GRIP1: variants seen among roughly 807,000 people sequenced by gnomAD.
GRIP1 encodes the protein glutamate receptor-interacting protein 1.
GRIP1 carries 45 observed loss-of-function variants against 129.9 expected under a neutral mutation model. The observed-to-expected ratio is 0.35, with a 90% CI of 0.27 to 0.44. The LOEUF (loss-of-function observed/expected upper bound fraction) is 0.44. Among genes scored for constraint, GRIP1 ranks in the 20% least tolerant of loss-of-function variants. The pLI, the probability that GRIP1 is intolerant of heterozygous loss-of-function variation, is 1.00. For missense variants in GRIP1, 1,196 were observed against 1,396.8 expected, an observed-to-expected ratio of 0.86 and a Z score of 2.29; for synonymous variants, 530 against 520.8, an observed-to-expected ratio of 1.02 and a Z score of -0.24.
chr12:66,810,472 C>A (rs190418188), intron 1 of GRIP1, among the ~76,000 whole-genome samples: 1 of 152,244 alleles, frequency 6.6e-6, no homozygotes, highest in African/African-American at 2.4e-5. Flanking sequence ...GCAGCAGAAT[C>A]GCTTGAACCT....
chr12:66,862,057 T>C (rs1410266972), intron 1 of GRIP1, among the ~76,000 whole-genome samples: 7 of 152,082 alleles, frequency 4.6e-5, no homozygotes, highest in Non-Finnish European at 1.0e-4. Context: ...TGGATTTAAC[T>C]GGACACATTA....
chr12:67,014,363 A>G (rs2042753051), intron 1 of GRIP1, among the ~76,000 whole-genome samples: 2 of 152,136 alleles, frequency 1.3e-5, no homozygotes, highest in South Asian at 2.1e-4. Context: ...GGTGGGGGCT[A>G]AGGGGATGGT....
chr12:66,886,833 C>T (rs954360140), intron 1 of GRIP1, among the ~76,000 whole-genome samples: 1 of 152,182 alleles, frequency 6.6e-6, no homozygotes, highest in African/African-American at 2.4e-5. Flanking sequence ...GAAGTGATGG[C>T]AGATACTGAT....
chr12:66,704,043 C>G (rs1237186802), intron 1 of GRIP1, among the ~76,000 whole-genome samples: 2 of 151,938 alleles, frequency 1.3e-5, no homozygotes, highest in African/African-American at 4.8e-5. Context: ...AGACCTAAAG[C>G]AGATCCCAGA....
At chr12:66,470,701 G>A (rs1226888214) in intron 7 of GRIP1, among the ~76,000 whole-genome samples, 5 of 152,158 alleles carry the variant, frequency 3.3e-5, no homozygotes, top group Non-Finnish European at 7.3e-5. Flanking sequence ...CAGGGTCCCA[G>A]CAAGCAACAC....
intron 1 of GRIP1, among the ~76,000 whole-genome samples, chr12:66,959,293 T>C (rs1157077594): frequency 6.6e-6 from 1 of 152,150 alleles, no homozygotes; most frequent in Non-Finnish European, 1.5e-5. Context: ...TATAGTTTTG[T>C]TTGGTTTTTT....
chr12:66,526,636 A>G (rs1229606927), intron 5 of GRIP1, among the ~76,000 whole-genome samples: 1 of 152,022 alleles, frequency 6.6e-6, no homozygotes, highest in Non-Finnish European at 1.5e-5. Flanking sequence ...CTTCATGTCT[A>G]AAACACCAAA....
intron 1 of GRIP1, among the ~76,000 whole-genome samples, chr12:66,747,571 G>A (rs879374123): frequency 3.3e-5 from 5 of 152,122 alleles, no homozygotes; most frequent in Non-Finnish European, 7.3e-5. Context: ...CAGGCCAACA[G>A]GGAATGGAAA....
rs751562134 is a variant in GRIP1, at chr12:66,448,175, C to T, written c.1355-2667G>A. ...CCATCCACACACTCTCTCATTGGCT[C>T]CTCAAACTCAATGTTTTCAAAATTG... On this transcript the variant is annotated intron_variant, in intron 11 of 24. Transcript: ENST00000359742. Among the ~76,000 whole-genome samples the T allele has an allele frequency of 9.2e-5, 14 of 152,068 alleles. 1 individual carries two copies. The highest frequency in any genetic ancestry group is 4.4e-5 in the Non-Finnish European group (3 of 68,034).
At chr12:66,882,909 G>T (rs1291444868) in intron 1 of GRIP1, among the ~76,000 whole-genome samples, 3 of 152,114 alleles carry the variant, frequency 2.0e-5, no homozygotes, top group Admixed American at 6.6e-5. Flanking sequence ...TTCTTTGCAA[G>T]GTTCATAACC....
intron 1 of GRIP1, among the ~76,000 whole-genome samples, chr12:66,919,142 T>C (rs2041173253): frequency 1.3e-5 from 2 of 152,156 alleles, no homozygotes; most frequent in Non-Finnish European, 2.9e-5. Context: ...TTTACCATAG[T>C]CCAATAAGAA....
In GRIP1 at chr12:66,531,274, T is replaced by A. The variant is rs1364462453; in HGVS notation, c.419-1360A>T. ...AAAAATATATATATATATATATATA[T>A]ATATATATATATATATATATATATA... On this transcript the variant is annotated intron_variant, in intron 4 of 24. Transcript: ENST00000359742. Among the ~76,000 whole-genome samples the A allele has an allele frequency of 1.2e-3, 14 of 12,054 alleles. 2 individuals carry two copies. The African/African-American group carries it at 0.016, about 14-fold the overall frequency. 7.9% of individuals were successfully genotyped at this position (12,054 alleles called of 152,430 possible). A position where few individuals can be genotyped will look rare whatever the true frequency, so the allele number is the denominator to read the frequency against.
intron 7 of GRIP1, among the ~76,000 whole-genome samples, chr12:66,465,769 T>A (rs995450752): frequency 1.3e-5 from 2 of 152,208 alleles, no homozygotes; most frequent in African/African-American, 4.8e-5. Flanking sequence ...AAAGGTTTTT[T>A]AAATTAATTA....
At chr12:66,545,706 T>C (rs2061928411) in intron 2 of GRIP1, among the ~76,000 whole-genome samples, 1 of 152,220 alleles carries the variant, frequency 6.6e-6, no homozygotes, top group Non-Finnish European at 1.5e-5. Context: ...AAATGGATAC[T>C]ATTCCTGCCA....
In GRIP1 at chr12:66,785,343, C is replaced by CATATATATATATATATATATATATAT. The variant is rs199738180; in HGVS notation, c.-420+18709_-420+18710insATATATATATATATATATATATATAT. ...ACATACATACATACATACATACATACATATATATATATATATATATTAGTT... is the reference window on the plus strand; with the variant it reads ...ACATACATACATACATACATACATACATATATATATATATATATATATATATATATATATATATATATATATTAGTT... On this transcript the variant is annotated intron_variant, in intron 1 of 4. Coordinates refer to the GRIP1 transcript ENST00000538373. Among the ~76,000 whole-genome samples, 114 of 72,714 alleles carry CATATATATATATATATATATATATAT rather than the reference C, an allele frequency of 1.6e-3. 4 individuals are homozygous for CATATATATATATATATATATATATAT. Among genetic ancestry groups the CATATATATATATATATATATATATAT allele is most frequent in the Non-Finnish European group, 2.3e-3 (81 of 35,986 alleles). The allele number at this position is 72,714 out of a possible 152,430, so 47.7% of individuals were successfully genotyped here.
intron 1 of GRIP1, among the ~76,000 whole-genome samples, chr12:67,003,575 C>T (rs1042422150): frequency 6.6e-6 from 1 of 151,970 alleles, no homozygotes; most frequent in African/African-American, 2.4e-5. Context: ...CACCTGCAGT[C>T]CCAGCTACTC....
At chr12:66,984,991 TC>T (rs1246250715) in intron 1 of GRIP1, among the ~76,000 whole-genome samples, 2 of 152,306 alleles carry the variant, frequency 1.3e-5, no homozygotes, top group East Asian at 3.9e-4. Context: ...GAAAGGTGGT[TC>T]TATGCCTTAG....
intron 1 of GRIP1, among the ~76,000 whole-genome samples, chr12:66,997,899 G>T (rs2042493321): frequency 6.6e-6 from 1 of 151,964 alleles, no homozygotes; most frequent in South Asian, 2.1e-4. Flanking sequence ...TATACTAAAA[G>T]AAAACTTCCA....
chr12:66,525,482 A>G (rs1344757705), intron 5 of GRIP1, among the ~76,000 whole-genome samples: 1 of 151,506 alleles, frequency 6.6e-6, no homozygotes, highest in East Asian at 1.9e-4. Context: ...ATTCAACAAC[A>G]CTTCATGCTA....
Sources: allele counts gnomAD v4.1 joint callset (sites outside exome capture counted in the v4.1 genomes callset), GRCh38; gene constraint gnomAD v4.1.1; transcripts MANE v1.5; gene names NCBI Gene and HGNC (gene_info 2026-07-23, HGNC 2026-07-21).